ARHGAP29: variants seen among roughly 807,000 people sequenced by gnomAD.
ARHGAP29 encodes rho GTPase-activating protein 29.
Under a neutral mutation model 122.6 loss-of-function variants are expected in ARHGAP29, and 43 were observed. The ratio of observed to expected loss-of-function variants is 0.35; its 90% confidence interval spans 0.27 to 0.45. ARHGAP29 has a LOEUF of 0.45. Ranked by LOEUF, ARHGAP29 falls within the 20% of genes least tolerant of loss-of-function variation. ARHGAP29 has a pLI of 1.00. For missense variants in ARHGAP29, 1,303 were observed against 1,477.2 expected, an observed-to-expected ratio of 0.88 and a Z score of 1.93; for synonymous variants, 506 against 497.1, an observed-to-expected ratio of 1.02 and a Z score of -0.24.
chr1:94,313,208 C>G, the ARHGAP29 span, among the ~76,000 whole-genome samples: 1 of 152,162 alleles, frequency 6.6e-6, no homozygotes, highest in Admixed American at 6.5e-5. Context: ...TGCCCCAAGG[C>G]CTTTGTACTC....
rs1322410165 is a variant in ARHGAP29, at chr1:94,169,236, G to A, written c.*4633C>T. Among the ~76,000 whole-genome samples, 1 of 152,174 alleles carries A rather than the reference G, an allele frequency of 6.6e-6. No individual in the cohort carries two copies. The highest frequency in any genetic ancestry group is 1.5e-5 in the Non-Finnish European group (1 of 68,034). ...TTGTCTCTCTTCCAGCCAGATGACA[G>A]GAGCCTAGGATTCCAATGGTGTGCT... On this transcript the variant is annotated 3_prime_UTR_variant, in exon 23 of 23. Coordinates refer to ENST00000260526, the MANE Select transcript of ARHGAP29 (RefSeq NM_004815.4).
intron 22 of ARHGAP29, among the ~76,000 whole-genome samples, chr1:94,175,022 C>T (rs1570477529): frequency 6.6e-6 from 1 of 152,278 alleles, no homozygotes; most frequent in Admixed American, 6.5e-5. Flanking sequence ...TTTTTAAGTG[C>T]TGTGCATGAA....
At chr1:94,237,626 G>A (rs868857947), upstream of ARHGAP29, 1,178 of 986,766 alleles carry the variant, frequency 1.2e-3, 12 homozygotes, top group African/African-American at 0.02. Context: ...CGGCCGCACC[G>A]CCCGCCCGCC....
chr1:94,209,587 CATA>C (rs1651450895), intron 3 of ARHGAP29, among the ~76,000 whole-genome samples: 1 of 152,152 alleles, frequency 6.6e-6, no homozygotes, highest in Non-Finnish European at 1.5e-5. Flanking sequence ...CCATGGATTA[CATA>C]ATTTGACACA....
the ARHGAP29 span, among the ~76,000 whole-genome samples, chr1:94,296,197 C>T: frequency 1.5e-3 from 223 of 152,226 alleles, 1 homozygote; most frequent in South Asian, 8.3e-4. Context: ...TTGCTCCATC[C>T]GGCCTGGGAC....
the ARHGAP29 span, among the ~76,000 whole-genome samples, chr1:94,287,094 G>A: frequency 2.0e-5 from 3 of 152,134 alleles, no homozygotes; most frequent in East Asian, 1.9e-4. Flanking sequence ...CTCAAGTTGA[G>A]GTTTCCACTA....
At chr1:94,192,171 T>C (rs1334867944) in intron 12 of ARHGAP29, 2 of 152,186 alleles carry the variant, frequency 1.3e-5, no homozygotes, top group African/African-American at 4.8e-5. Context: ...AAGGAAGTTT[T>C]CTGGTTCAGA....
the ARHGAP29 span, among the ~76,000 whole-genome samples, chr1:94,282,295 ATT>A: frequency 3.8e-5 from 5 of 131,644 alleles, no homozygotes; most frequent in African/African-American, 1.5e-4. Context: ...TTATTTATTT[ATT>A]TATTTTTGAG....
chr1:94,308,734 C>T, the ARHGAP29 span, among the ~76,000 whole-genome samples: 1 of 152,290 alleles, frequency 6.6e-6, no homozygotes, highest in East Asian at 1.9e-4. Flanking sequence ...TTGTCTCCTC[C>T]TACACCTTCT....
upstream of ARHGAP29, chr1:94,237,758 G>A (rs1280379952): frequency 3.0e-5 from 30 of 985,310 alleles, no homozygotes; most frequent in Non-Finnish European, 3.6e-5. Flanking sequence ...GCGCGCGGCC[G>A]GACGCTGTCC....
At chr1:94,286,162 T>C in the ARHGAP29 span, among the ~76,000 whole-genome samples, 1 of 152,210 alleles carries the variant, frequency 6.6e-6, no homozygotes, top group African/African-American at 2.4e-5. Flanking sequence ...GGCTTGCAGA[T>C]GGCTGCCTTC....
At chr1:94,247,528 G>C (rs1407969626) in intron 1 of ARHGAP29, among the ~76,000 whole-genome samples, 2 of 151,220 alleles carry the variant, frequency 1.3e-5, no homozygotes, top group African/African-American at 4.8e-5. Flanking sequence ...AGCCACCACC[G>C]CCGCGGCCGA....
intron 2 of ARHGAP29, among the ~76,000 whole-genome samples, chr1:94,223,558 A>G (rs1303351598): frequency 6.6e-6 from 1 of 152,152 alleles, no homozygotes; most frequent in Non-Finnish European, 1.5e-5. Flanking sequence ...TAGTTGGTGC[A>G]AAAGTAATTA....
chr1:94,287,086 C>G, the ARHGAP29 span, among the ~76,000 whole-genome samples: 8 of 152,308 alleles, frequency 5.3e-5, no homozygotes, highest in African/African-American at 1.9e-4. Flanking sequence ...TTGACTGGCT[C>G]AAGTTGAGGT....
At chr1:94,264,063 A>G (rs1395078120) in intron 1 of ARHGAP29, among the ~76,000 whole-genome samples, 1 of 152,148 alleles carries the variant, frequency 6.6e-6, no homozygotes. Flanking sequence ...TTTGGGTCAA[A>G]GGCTGGGTAT....
At chr1:94,284,861 C>T in the ARHGAP29 span, among the ~76,000 whole-genome samples, 1 of 152,174 alleles carries the variant, frequency 6.6e-6, no homozygotes, top group Non-Finnish European at 1.5e-5. Context: ...AGAGTAGGCA[C>T]TCCATAAACA....
At chr1:94,307,097 A>T in the ARHGAP29 span, among the ~76,000 whole-genome samples, 1 of 152,226 alleles carries the variant, frequency 6.6e-6, no homozygotes, top group Admixed American at 6.5e-5. Flanking sequence ...AAGAAATAAA[A>T]GTACCTTCAT....
At chr1:94,176,033 C>A (rs571169518) in intron 22 of ARHGAP29, among the ~76,000 whole-genome samples, 1 of 152,252 alleles carries the variant, frequency 6.6e-6, no homozygotes, top group South Asian at 2.1e-4. Flanking sequence ...TTCCCAGGTC[C>A]TCCACACATT....
chr1:94,177,300 T>A (rs1242741141), intron 22 of ARHGAP29: 1 of 217,200 alleles, frequency 4.6e-6, no homozygotes, highest in African/African-American at 2.3e-5. Context: ...AATATCACAT[T>A]GCTCAACACA....
Sources: allele counts gnomAD v4.1 joint callset (sites outside exome capture counted in the v4.1 genomes callset), GRCh38; gene constraint gnomAD v4.1.1; transcripts MANE v1.5; gene names NCBI Gene and HGNC (gene_info 2026-07-23, HGNC 2026-07-21).